The following ZYG11B variants were observed in gnomAD, a reference collection of about 807,000 sequenced individuals.
ZYG11B encodes the protein protein zyg-11 homolog B.
A neutral mutation model predicts 82.4 loss-of-function variants in ZYG11B; 36 were observed. That is an observed-to-expected ratio of 0.44 (90% CI 0.33 to 0.58). The LOEUF is 0.58. ZYG11B is among the 20% of genes least tolerant of loss of function. The pLI is 0.02. For missense variants in ZYG11B, 552 were observed against 895.6 expected (o/e 0.62, Z 4.90); for synonymous variants, 303 against 312.8 (o/e 0.97, Z 0.33).
At chr1:52,769,597 A>T (rs1644728818) in intron 2 of ZYG11B, among the ~76,000 whole-genome samples, 1 of 152,150 alleles carries the variant, frequency 6.6e-6, no homozygotes, top group Non-Finnish European at 1.5e-5. Context: ...TTAATATGTA[A>T]TTAGTCATTT....
At chr1:52,738,137 A>G (rs1048888413) in intron 1 of ZYG11B, among the ~76,000 whole-genome samples, 6 of 152,238 alleles carry the variant, frequency 3.9e-5, no homozygotes, top group African/African-American at 1.4e-4. Flanking sequence ...GTTTAAACTC[A>G]GATAATAAAT....
At chr1:52,798,862 G>C (rs925171425) in intron 8 of ZYG11B, among the ~76,000 whole-genome samples, 6 of 152,084 alleles carry the variant, frequency 3.9e-5, no homozygotes, top group African/African-American at 1.4e-4. Context: ...ATTTAAACAT[G>C]CCTGTTAAAA....
chr1:52,741,324 A>AAAAGTAAG (rs55999569), intron 1 of ZYG11B, among the ~76,000 whole-genome samples: 1 of 150,860 alleles, frequency 6.6e-6, no homozygotes, highest in African/African-American at 2.4e-5. Flanking sequence ...AAAAAAGAAA[A>AAAAGTAAG]GAAAAGAAAG....
intron 13 of ZYG11B, among the ~76,000 whole-genome samples, chr1:52,817,252 G>T (rs1014261369): frequency 6.6e-6 from 1 of 152,160 alleles, no homozygotes; most frequent in African/African-American, 2.4e-5. Context: ...TAGATCCACT[G>T]TTTATGGTAC....
rs576027360 is a variant in ZYG11B, at chr1:52,750,825, A to G, written c.31-5633A>G. Reference sequence around the variant, plus strand: ...AATAATCTCCTTTCTGTCTCTGTACATTTACCTCTTCTGAACAGTTCATAC... The same window carrying G: ...AATAATCTCCTTTCTGTCTCTGTACGTTTACCTCTTCTGAACAGTTCATAC... On this transcript the variant is annotated intron_variant, in intron 1 of 13. Coordinates refer to ENST00000294353, the MANE Select transcript of ZYG11B (RefSeq NM_024646.3). Among the ~76,000 whole-genome samples, 5 of 152,178 alleles carry G rather than the reference A, an allele frequency of 3.3e-5. No individual in the cohort carries two copies. In the East Asian group the frequency reaches 7.7e-4, roughly 24 times the overall value.
intron 13 of ZYG11B, among the ~76,000 whole-genome samples, chr1:52,817,818 T>TATATAA (rs1645248410): frequency 1.3e-4 from 1 of 7,606 alleles, no homozygotes; most frequent in African/African-American, 2.8e-4. Context: ...TATATATATT[T>TATATAA]TTTTTTTTTT....
intron 8 of ZYG11B, 34 bp downstream of exon 8, chr1:52,796,818 G>A: frequency 1.5e-6 from 2 of 1,351,896 alleles, no homozygotes; most frequent in Non-Finnish European, 1.9e-6. Flanking sequence ...CAGGCCACTA[G>A]ATATTCATGT....
intron 5 of ZYG11B, among the ~76,000 whole-genome samples, chr1:52,787,128 G>C (rs1490330125): frequency 6.6e-6 from 1 of 151,980 alleles, no homozygotes; most frequent in Admixed American, 6.6e-5. Context: ...CTGTGTAACT[G>C]TGTATAATGA....
chr1:52,780,831 C>A (rs578005389), intron 4 of ZYG11B, among the ~76,000 whole-genome samples: 1 of 152,224 alleles, frequency 6.6e-6, no homozygotes, highest in East Asian at 1.9e-4. Context: ...TTATTGAATG[C>A]TTTGGGCAAC....
intron 8 of ZYG11B, among the ~76,000 whole-genome samples, 185 bp downstream of exon 8, chr1:52,796,969 TA>T (rs1373342328): frequency 3.5e-5 from 3 of 84,646 alleles, no homozygotes; most frequent in African/African-American, 1.9e-4. Flanking sequence ...TTATATATAA[TA>T]TATATAAATA....
intron 2 of ZYG11B, among the ~76,000 whole-genome samples, chr1:52,768,785 G>A (rs113322900): frequency 2.0e-5 from 3 of 152,080 alleles, no homozygotes; most frequent in African/African-American, 4.8e-5. Flanking sequence ...GTAGAAACGC[G>A]GTTTTGCCAC....
chr1:52,744,935 G>A (rs1012932064), intron 1 of ZYG11B, among the ~76,000 whole-genome samples: 1 of 152,118 alleles, frequency 6.6e-6, no homozygotes, highest in Non-Finnish European at 1.5e-5. Flanking sequence ...TACTTTGTAA[G>A]GTTATTGTGA....
intron 2 of ZYG11B, among the ~76,000 whole-genome samples, chr1:52,760,996 C>G (rs796080397): frequency 9.9e-5 from 15 of 152,212 alleles, no homozygotes; most frequent in African/African-American, 3.4e-4. Context: ...CTCCTGACAT[C>G]AAATGATGCA....
chr1:52,766,341 G>A (rs576228601), intron 2 of ZYG11B, among the ~76,000 whole-genome samples: 4 of 151,336 alleles, frequency 2.6e-5, no homozygotes, highest in African/African-American at 9.7e-5. Context: ...GGCTGGTCGC[G>A]AACTCCTGAC....
intron 2 of ZYG11B, among the ~76,000 whole-genome samples, chr1:52,769,577 A>G (rs1001890554): frequency 1.3e-5 from 2 of 152,204 alleles, no homozygotes; most frequent in African/African-American, 4.8e-5. Flanking sequence ...TCTAAAATGT[A>G]ATGGAGTTCT....
At chr1:52,732,907 C>T (rs1420954697) in intron 1 of ZYG11B, among the ~76,000 whole-genome samples, 2 of 151,632 alleles carry the variant, frequency 1.3e-5, no homozygotes, top group Admixed American at 6.6e-5. Flanking sequence ...CCGGGGGGCG[C>T]GGAGGTTGCA....
intron 5 of ZYG11B, among the ~76,000 whole-genome samples, chr1:52,788,184 C>T (rs1395618715): frequency 6.6e-6 from 1 of 151,864 alleles, no homozygotes; most frequent in Admixed American, 6.6e-5. Flanking sequence ...TGAATGCCAG[C>T]ATAGGAAAGT....
At chr1:52,793,878 T>TCCTTCCTTCCTTCCTG (rs1387320798) in intron 6 of ZYG11B, among the ~76,000 whole-genome samples, 1 of 134,830 alleles carries the variant, frequency 7.4e-6, no homozygotes, top group African/African-American at 2.9e-5. Flanking sequence ...TTTCCTTCCT[T>TCCTTCCTTCCTTCCTG]CCTTCCTTCC....
chr1:52,794,795 G>A (rs777922974), intron 6 of ZYG11B, among the ~76,000 whole-genome samples: 1 of 152,090 alleles, frequency 6.6e-6, no homozygotes. Context: ...TGAGTTCTTT[G>A]GCAAATCCAG....
Sources: allele counts gnomAD v4.1 joint callset (sites outside exome capture counted in the v4.1 genomes callset), GRCh38; gene constraint gnomAD v4.1.1; transcripts MANE v1.5; gene names NCBI Gene and HGNC (gene_info 2026-07-23, HGNC 2026-07-21).